The following SERINC2 variants were observed in gnomAD, a reference collection of about 807,000 sequenced individuals.
SERINC2 encodes serine incorporator 2, also known as tumor differentially expressed protein 2.
A neutral mutation model predicts 54.2 loss-of-function variants in SERINC2; 56 were observed. That is an observed-to-expected ratio of 1.03 (90% CI 0.83 to 1.29). SERINC2 has a LOEUF of 1.29. Ranked by LOEUF, SERINC2 falls within the 50% of genes most tolerant of loss-of-function variation. The pLI, the probability that SERINC2 is intolerant of heterozygous loss-of-function variation, is 0.00. For missense variants in SERINC2, 614 were observed against 607.4 expected (o/e 1.01, Z -0.12); for synonymous variants, 272 against 253.1 (o/e 1.07, Z -0.71).
At chr1:31,427,663 G>T (rs1434035897) in intron 6 of SERINC2, among the ~76,000 whole-genome samples, 3 of 152,012 alleles carry the variant, frequency 2.0e-5, no homozygotes, top group African/African-American at 4.8e-5. Context: ...AGTGGCCTCG[G>T]ACATGTTATT....
chr1:31,432,885 T>G, intron 8 of SERINC2, 82 bp from the exon 9 acceptor site: 7 of 1,162,414 alleles, frequency 6.0e-6, no homozygotes, highest in Non-Finnish European at 8.6e-6. Context: ...CGCTGGCCTC[T>G]GAGGCTCTGG....
In SERINC2 at chr1:31,431,787, T is replaced by TAGGATGGTTAGGGTGGAC. The variant is rs1557499755; in HGVS notation, c.1014-1177_1014-1176insATGGTTAGGGTGGACAGG. ...GGGTGGAGAGGGTGAATAGGGTGGA[T>TAGGATGGTTAGGGTGGAC]AGGGTGGATAGGGTGGACAGGGTGG... On this transcript the variant is annotated intron_variant, in intron 8 of 9. Transcript: ENST00000373709. 6.7e-4 allele frequency among the ~76,000 whole-genome samples: 8 copies of TAGGATGGTTAGGGTGGAC among 11,988 alleles called. 1 individual carries two copies. Among genetic ancestry groups the TAGGATGGTTAGGGTGGAC allele is most frequent in the Non-Finnish European group, 1.2e-3 (4 of 3,222 alleles). 7.9% of individuals were successfully genotyped at this position (11,988 alleles called of 152,430 possible). A position where few individuals can be genotyped will look rare whatever the true frequency, so the allele number is the denominator to read the frequency against.
chr1:31,411,276 A>C (rs181537261), upstream of SERINC2, among the ~76,000 whole-genome samples: 1 of 152,330 alleles, frequency 6.6e-6, no homozygotes, highest in Admixed American at 6.5e-5. Context: ...TCAGGGTGAA[A>C]GCCAGGCCAG....
upstream of SERINC2, chr1:31,410,335 A>T (rs1357046582): frequency 4.5e-6 from 7 of 1,547,972 alleles, no homozygotes; most frequent in African/African-American, 9.6e-5. Flanking sequence ...TCATCTCCTC[A>T]GTAGTCCCCT....
At chr1:31,425,190 T>A in intron 3 of SERINC2, 140 bp from the exon 4 acceptor site, 2 of 734,768 alleles carry the variant, frequency 2.7e-6, no homozygotes, top group Non-Finnish European at 2.5e-6. Context: ...TCTGTGCCTA[T>A]CAGACCACCA....
intron 1 of SERINC2, chr1:31,414,378 G>T: frequency 8.2e-7 from 1 of 1,225,262 alleles, no homozygotes; most frequent in Non-Finnish European, 1.0e-6. Flanking sequence ...GGGCTGCAGC[G>T]GCTGCTGAAT....
intron 1 of SERINC2, among the ~76,000 whole-genome samples, chr1:31,421,550 G>A (rs912725665): frequency 3.9e-5 from 6 of 152,186 alleles, no homozygotes; most frequent in African/African-American, 7.2e-5. Flanking sequence ...AGAGATAGGC[G>A]AGGAGCATTT....
chr1:31,425,484 G>T (rs1641015704), intron 4 of SERINC2, 75 bp downstream of exon 4: 2 of 1,137,514 alleles, frequency 1.8e-6, no homozygotes, highest in East Asian at 4.7e-5. Context: ...AACGTGGTGG[G>T]GCTGCTCTTT....
At chr1:31,432,915 T>C (rs1162388640) in intron 8 of SERINC2, 52 bp from the exon 9 acceptor site, 1 of 1,429,542 alleles carries the variant, frequency 7.0e-7, no homozygotes, top group African/African-American at 1.4e-5. Flanking sequence ...TGTCCAGTGT[T>C]ATGAGCAACG....
At chr1:31,415,825 T>G (rs1302351286) in intron 1 of SERINC2, 19 of 983,968 alleles carry the variant, frequency 1.9e-5, no homozygotes, top group Non-Finnish European at 2.2e-5. Flanking sequence ...GTGGGGAAGA[T>G]TTTTGTATCC....
In SERINC2 at chr1:31,434,228, C is replaced by G. The variant is rs781881286; in HGVS notation, c.*29C>G. 5 of 1,604,854 alleles carry G rather than the reference C, an allele frequency of 3.1e-6. No individual in the cohort carries two copies. The highest frequency in any genetic ancestry group is 4.2e-6 in the Non-Finnish European group (5 of 1,176,602). On this transcript the variant is annotated 3_prime_UTR_variant, in exon 10 of 10. Transcript: ENST00000373709. The stretch of plus-strand genomic sequence containing the variant: ...AGCCTCACAGCCTGCCATCTGGTGC[C>G]TCCTGCCACCTGGTGCCTCTCGGCT...
chr1:31,424,796 G>C lies in SERINC2; in HGVS notation c.315G>C (p.Ala105=). The stretch of plus-strand genomic sequence containing the variant: ...TCTACCGCATGTGCTTCGCCACGGC[G>C]GCCTTCTTCTTCTTTTTCACCCTGC... The part of the protein sequence containing the change: ...RAVYRMCFAT[A]AFFFFFTLLM... Residue 105 remains alanine (A), a synonymous_variant, in exon 3 of 10, where the codon GCG becomes GCC. Coordinates refer to ENST00000373709, the MANE Select transcript of SERINC2 (RefSeq NM_178865.5). 6.2e-7 allele frequency: 1 copy of C among 1,611,826 alleles called. No homozygotes were observed. The highest frequency in any genetic ancestry group is 8.5e-7 in the Non-Finnish European group (1 of 1,179,366).
At chr1:31,431,814 CAG>C (rs1641227357) in intron 8 of SERINC2, among the ~76,000 whole-genome samples, 17 of 34,092 alleles carry the variant, frequency 5.0e-4, no homozygotes, top group South Asian at 3.0e-3. Context: ...ACAGGGTGGA[CAG>C]GGTGGATAGG....
chr1:31,432,997 C>A lies in SERINC2; in HGVS notation c.1044C>A (p.Asn348Lys). The A allele has an allele frequency of 1.2e-6, 2 of 1,612,200 alleles. No individual in the cohort carries two copies. The highest frequency in any genetic ancestry group is 1.7e-6 in the Non-Finnish European group (2 of 1,179,742). Residue 348 changes from asparagine (N) to lysine (K), a missense_variant, in exon 9 of 10, where the codon AAC becomes AAA. By Grantham distance (94) the Asn-to-Lys change is moderately conservative (BLOSUM62 0). Transcript: ENST00000373709. ...GCTCCTCAGACCACCGGCAGGTGAACAGCCTGATGCAGACCGAGGAGTGCC... is the reference window on the plus strand; with the variant it reads ...GCTCCTCAGACCACCGGCAGGTGAAAAGCCTGATGCAGACCGAGGAGTGCC... ...SLRSSDHRQVNSLMQTEECPP... is the reference protein window; with the variant it reads ...SLRSSDHRQVKSLMQTEECPP...
chr1:31,433,947 T>G, intron 9 of SERINC2, 117 bp from the exon 10 acceptor site: 2 of 1,026,158 alleles, frequency 1.9e-6, no homozygotes. Flanking sequence ...TGGACTGGAG[T>G]TACAGGGTAA....
At chr1:31,415,626 C>T (rs1640764650) in intron 1 of SERINC2, among the ~76,000 whole-genome samples, 1 of 152,200 alleles carries the variant, frequency 6.6e-6, no homozygotes, top group African/African-American at 2.4e-5. Context: ...GTTCCCATTT[C>T]ACAGATGAGG....
intron 5 of SERINC2, 155 bp downstream of exon 5, chr1:31,426,068 G>A: frequency 1.3e-6 from 1 of 765,872 alleles, no homozygotes; most frequent in East Asian, 2.9e-5. Flanking sequence ...CAGGGAGATG[G>A]GGGGCACCAG....
chr1:31,432,109 G>GTT (rs1641287508), intron 8 of SERINC2, among the ~76,000 whole-genome samples: 1 of 132,302 alleles, frequency 7.6e-6, no homozygotes, highest in Non-Finnish European at 1.6e-5. Context: ...GGACAGGGTG[G>GTT]ATAGGGTGGT....
At chr1:31,418,856 GTCTGCC>G (rs1255768136) in intron 1 of SERINC2, among the ~76,000 whole-genome samples, 4 of 152,200 alleles carry the variant, frequency 2.6e-5, no homozygotes, top group Non-Finnish European at 4.4e-5. Context: ...CTCCAGAGCT[GTCTGCC>G]TTGCCTTGGG....
Sources: gnomAD v4.1 joint callset for allele counts (sites outside exome capture counted in the v4.1 genomes callset) on GRCh38, gnomAD v4.1.1 for gene constraint, MANE v1.5 for transcripts, NCBI Gene and HGNC (gene_info 2026-07-23, HGNC 2026-07-21) for gene names.